Variants in ADGRE2 observed in about 807,000 individuals in gnomAD.
The protein encoded by ADGRE2 is adhesion G protein-coupled receptor E2.
A neutral mutation model predicts 100.8 loss-of-function variants in ADGRE2; 83 were observed. The observed-to-expected ratio is 0.82, with a 90% CI of 0.69 to 0.99. The LOEUF (loss-of-function observed/expected upper bound fraction) is 0.99. Among genes scored for constraint, ADGRE2 ranks in the 50% least tolerant of loss-of-function variants. The probability of loss-of-function intolerance (pLI) is 0.00; values close to 1 mark genes in which losing one functional copy is unlikely to be tolerated. For synonymous variants in ADGRE2, 355 were observed against 413.0 expected, an observed-to-expected ratio of 0.86 and a Z score of 1.70; for missense variants, 814 against 1,035.7, an observed-to-expected ratio of 0.79 and a Z score of 2.94.
intron 5 of ADGRE2, among the ~76,000 whole-genome samples, chr19:14,767,577 G>C (rs187629232): frequency 2.6e-5 from 4 of 152,246 alleles, no homozygotes; most frequent in African/African-American, 9.6e-5. Flanking sequence ...GGTGTCCCAT[G>C]GTGAGCATGG....
the ADGRE2 span, among the ~76,000 whole-genome samples, chr19:14,724,469 TA>T: frequency 2.0e-5 from 3 of 152,142 alleles, no homozygotes; most frequent in African/African-American, 7.2e-5. Context: ...TTTTCTCCAT[TA>T]AAAAGTTTGT....
At chr19:14,729,048 G>A (rs76529643), downstream of ADGRE2, among the ~76,000 whole-genome samples, 513 of 152,288 alleles carry the variant, frequency 3.4e-3, 3 homozygotes, top group African/African-American at 0.011. Context: ...GGTTTTGAGG[G>A]GTGGAACGGG....
Position 14,769,481 on chromosome 19 carries a change from G to C in ADGRE2, c.356-2372C>G, listed in dbSNP as rs114727002. Reference sequence around the variant, plus strand: ...GACAAAAAAAACAAGAATGCTGAGGGGTGAGGGGGATGCAGACAGGGCCCC... The same window carrying C: ...GACAAAAAAAACAAGAATGCTGAGGCGTGAGGGGGATGCAGACAGGGCCCC... On this transcript the variant is annotated intron_variant, in intron 5 of 20. Transcript: ENST00000315576. Among the ~76,000 whole-genome samples, 574 of 152,184 alleles carry C rather than the reference G, an allele frequency of 3.8e-3. 3 individuals are homozygous for C. The highest frequency in any genetic ancestry group is 0.013 in the African/African-American group (533 of 41,524).
At chr19:14,775,477 G>T (rs1469749675) in intron 2 of ADGRE2, among the ~76,000 whole-genome samples, 1 of 152,040 alleles carries the variant, frequency 6.6e-6, no homozygotes, top group African/African-American at 2.4e-5. Context: ...GAGCCTGGTG[G>T]GGGTCTCAGC....
intron 20 of ADGRE2, chr19:14,741,704 C>T: frequency 5.4e-6 from 1 of 186,644 alleles, no homozygotes; most frequent in Non-Finnish European, 1.1e-5. Flanking sequence ...CCAGGATGGT[C>T]TCGATCTCCT....
chr19:14,774,429 C>T (rs569452493), intron 2 of ADGRE2, 123 bp from the exon 3 acceptor site: 1 of 1,509,282 alleles, frequency 6.6e-7, no homozygotes, highest in African/African-American at 1.4e-5. Context: ...GCCCATCGTT[C>T]AAACAGAGTG....
chr19:14,777,367 C>G (rs1319541622), intron 1 of ADGRE2, among the ~76,000 whole-genome samples: 1 of 152,234 alleles, frequency 6.6e-6, no homozygotes, highest in Admixed American at 6.5e-5. Flanking sequence ...CAGAGGCTCA[C>G]GCCTGTGATC....
At chr19:14,738,949 ATTTTCTTTTC>A (rs199637167) in intron 20 of ADGRE2, among the ~76,000 whole-genome samples, 4 of 146,006 alleles carry the variant, frequency 2.7e-5, no homozygotes, top group African/African-American at 1.0e-4. Context: ...CAAGACACAC[ATTTTCTTTTC>A]TTTTCTTTTC....
chr19:14,770,887 T>C (rs186086248), intron 5 of ADGRE2, among the ~76,000 whole-genome samples: 3 of 151,590 alleles, frequency 2.0e-5, no homozygotes. Context: ...ACTATGTTTG[T>C]CAGGCTGGTC....
At position 14,736,342 on chromosome 19, in the gene ADGRE2, A is replaced by AC. The variant is rs1386705323; in HGVS notation, c.2464-99dup. On this transcript the variant is annotated intron_variant, in intron 20 of 20. Transcript: ENST00000315576. ...AATGGCGCAGCCTCGACTCACTGTAACCCCCGCCTCCCAGGTTCAAGCAAT... is the reference window on the plus strand; with the variant it reads ...AATGGCGCAGCCTCGACTCACTGTAACCCCCCGCCTCCCAGGTTCAAGCAAT... 8.3e-6 allele frequency: 6 copies of AC among 720,836 alleles called. No homozygotes were observed. In the East Asian group the frequency reaches 1.8e-4, roughly 22 times the overall value. 44.7% of individuals were successfully genotyped at this position (720,836 alleles called of 1,614,324 possible).
downstream of ADGRE2, among the ~76,000 whole-genome samples, chr19:14,727,626 A>G (rs1266511334): frequency 6.6e-6 from 1 of 152,052 alleles, no homozygotes; most frequent in East Asian, 1.9e-4. Flanking sequence ...ACCAGGCCCC[A>G]CCTCCAGCAC....
At chr19:14,753,739 A>G (rs1486388017) in intron 14 of ADGRE2, among the ~76,000 whole-genome samples, 1 of 151,428 alleles carries the variant, frequency 6.6e-6, no homozygotes, top group East Asian at 1.9e-4. Context: ...GGCTGCAGTG[A>G]GCTATGACTG....
At chr19:14,770,970 G>A (rs1242781802) in intron 5 of ADGRE2, among the ~76,000 whole-genome samples, 3 of 152,112 alleles carry the variant, frequency 2.0e-5, no homozygotes, top group East Asian at 3.9e-4. Flanking sequence ...GTGAGCCACT[G>A]TGCCTGGCCC....
intron 16 of ADGRE2, among the ~76,000 whole-genome samples, chr19:14,749,627 A>C (rs927261049): frequency 2.8e-4 from 39 of 141,398 alleles, no homozygotes; most frequent in African/African-American, 1.0e-3. Context: ...TAGTTACATA[A>C]TTATTTATAG....
At chr19:14,724,555 CAG>C in the ADGRE2 span, among the ~76,000 whole-genome samples, 1 of 152,188 alleles carries the variant, frequency 6.6e-6, no homozygotes, top group Non-Finnish European at 1.5e-5. Context: ...CACCTGAGGT[CAG>C]GGGCTCGAGA....
chr19:14,759,503 A>ATATATATATATATAT (rs60789454), intron 11 of ADGRE2, among the ~76,000 whole-genome samples: 185 of 133,346 alleles, frequency 1.4e-3, no homozygotes, highest in South Asian at 3.9e-3. Flanking sequence ...ATATATATAT[A>ATATATATATATATAT]TTTTTTTTTT....
chr19:14,741,148 G>T (rs2042918082), intron 20 of ADGRE2, among the ~76,000 whole-genome samples: 1 of 142,290 alleles, frequency 7.0e-6, no homozygotes, highest in African/African-American at 2.7e-5. Context: ...GTGGAGTACA[G>T]TGGCATGGGG....
chr19:14,773,090 A>G (rs1416246833), intron 4 of ADGRE2, among the ~76,000 whole-genome samples: 2 of 146,986 alleles, frequency 1.4e-5, no homozygotes, highest in Non-Finnish European at 3.0e-5. Flanking sequence ...CAAAAAAAAA[A>G]AAAAAAAACA....
chr19:14,751,387 G>T, intron 16 of ADGRE2, 49 bp downstream of exon 16: 1 of 1,402,760 alleles, frequency 7.1e-7, no homozygotes, highest in African/African-American at 1.4e-5. Context: ...TTCTAGCAAT[G>T]GCCATGGTTA....
Sources: allele counts gnomAD v4.1 joint callset (sites outside exome capture counted in the v4.1 genomes callset), GRCh38; gene constraint gnomAD v4.1.1; transcripts MANE v1.5; gene names NCBI Gene and HGNC (gene_info 2026-07-23, HGNC 2026-07-21).